RTN4: variants seen among roughly 807,000 people sequenced by gnomAD.
The protein encoded by RTN4 is reticulon-4.
Under a neutral mutation model 90.4 loss-of-function variants are expected in RTN4, and 32 were observed. The ratio of observed to expected loss-of-function variants is 0.35; its 90% confidence interval spans 0.27 to 0.48. The LOEUF is 0.48. Among genes scored for constraint, RTN4 ranks in the 20% least tolerant of loss-of-function variants. RTN4 has a pLI of 0.99. For synonymous variants in RTN4, 629 were observed against 552.5 expected, an observed-to-expected ratio of 1.14 and a Z score of -1.94; for missense variants, 1,706 against 1,430.2, an observed-to-expected ratio of 1.19 and a Z score of -3.11.
At chr2:55,053,817 G>C (rs996262811), upstream of RTN4, among the ~76,000 whole-genome samples, 3 of 152,170 alleles carry the variant, frequency 2.0e-5, no homozygotes, top group African/African-American at 7.2e-5. Flanking sequence ...CAGCCTGCTA[G>C]AATCATAGAA....
intron 2 of RTN4, among the ~76,000 whole-genome samples, chr2:55,064,876 C>T (rs1668363048): frequency 2.0e-5 from 3 of 152,128 alleles, no homozygotes; most frequent in African/African-American, 7.2e-5. Flanking sequence ...TTTTCCCTAA[C>T]ATAACTTTCC....
rs537768567 is a variant in RTN4 at position 55,058,522 on chromosome 2, G to A, written c.-63+21967C>T. 6.6e-5 allele frequency among the ~76,000 whole-genome samples: 10 copies of A among 152,096 alleles called. No individual in the cohort carries two copies. The South Asian group carries it at 1.5e-3, about 22-fold the overall frequency. On this transcript the variant is annotated intron_variant, in intron 2 of 3. Coordinates refer to the RTN4 transcript ENST00000427710. ...GGCTTGTCTATGCTTAACAGCTTCT[G>A]AACTTTTTGTTGACGAAATTTTAGT...
At chr2:55,029,890 CTTAAA>C (rs1279159608) in intron 1 of RTN4, among the ~76,000 whole-genome samples, 2 of 152,130 alleles carry the variant, frequency 1.3e-5, no homozygotes, top group Non-Finnish European at 2.9e-5. Context: ...GCTATGTGAT[CTTAAA>C]TTACAGTTTC....
At chr2:55,120,678 C>T in the RTN4 span, among the ~76,000 whole-genome samples, 1 of 152,090 alleles carries the variant, frequency 6.6e-6, no homozygotes, top group Non-Finnish European at 1.5e-5. Context: ...GAGTGAAGCC[C>T]TCAAGCTCTG....
At position 54,973,182 on chromosome 2, in the gene RTN4, G is replaced by T. The variant is rs1015943620; in HGVS notation, c.3553C>A (p.Pro1185Thr). 6.2e-7 allele frequency: 1 copy of T among 1,603,278 alleles called. No homozygotes were observed. The highest frequency in any genetic ancestry group is 1.3e-5 in the African/African-American group (1 of 74,734). ...CATTCAGCTTTGCGCTTCAATCCAG[G>T]GATTTTTGCTTGGATTCTGAAAATG... ...DAMAKIQAKIPGLKRKAE is the reference protein window; with the variant it reads ...DAMAKIQAKITGLKRKAE The change falls in exon 9 of 9, where the codon CCT (proline) becomes ACT (threonine). Residue 1185 changes from proline to threonine, a missense_variant. Physicochemically the swap from Pro to Thr is conservative, Grantham distance 38. Transcript: ENST00000337526.
chr2:55,084,690 T>A (rs2105035351), intron 1 of RTN4, among the ~76,000 whole-genome samples: 1 of 152,280 alleles, frequency 6.6e-6, no homozygotes, highest in Non-Finnish European at 1.5e-5. Flanking sequence ...GTGTCAGAAC[T>A]GAATTAAATT....
chr2:55,091,512 T>A (rs1291539040), intron 1 of RTN4, among the ~76,000 whole-genome samples: 1 of 152,212 alleles, frequency 6.6e-6, no homozygotes. Context: ...TTACAAATTT[T>A]TCATCTTCCT....
intron 3 of RTN4, among the ~76,000 whole-genome samples, chr2:55,013,610 G>C (rs868428072): frequency 6.6e-5 from 4 of 60,502 alleles, no homozygotes; most frequent in East Asian, 4.9e-4. Context: ...TTTTTTTTTG[G>C]GGGGGGGGGA....
Position 55,049,839 on chromosome 2 carries a change from C to G in RTN4, c.462G>C (p.Gln154His). 1.9e-6 allele frequency: 2 copies of G among 1,053,478 alleles called. No homozygotes were observed. The highest frequency in any genetic ancestry group is 2.4e-6 in the Non-Finnish European group (2 of 846,448). 65.3% of individuals were successfully genotyped at this position (1,053,478 alleles called of 1,614,324 possible). A position where few individuals can be genotyped will look rare whatever the true frequency, so the allele number is the denominator to read the frequency against. ...CTGGCGGGGTCCACACGGGCTCTGC[C>G]TGGGGGCTCACGCTGGCCGGGGGAG... ...PPPPPASVSP[Q>H]AEPVWTPPAP... is the part of the protein sequence containing the mutation. Residue 154 changes from glutamine to histidine, a missense_variant, in exon 1 of 9, where the codon CAG (glutamine) becomes CAC (histidine). Physicochemically the swap from Gln to His is conservative, Grantham distance 24. Transcript: ENST00000337526.
the RTN4 span, among the ~76,000 whole-genome samples, chr2:55,117,913 G>C: frequency 1.3e-5 from 2 of 152,186 alleles, no homozygotes; most frequent in Admixed American, 6.5e-5. Flanking sequence ...AAATGACATA[G>C]GGTTCCTTTT....
chr2:55,018,403 C>T (rs556710321), intron 3 of RTN4, among the ~76,000 whole-genome samples: 13 of 152,004 alleles, frequency 8.6e-5, no homozygotes, highest in South Asian at 8.3e-4. Context: ...GGGAGAAGGA[C>T]GCAGGAAAAA....
chr2:54,973,687 C>A lies in RTN4; in HGVS notation c.3478-66G>T, dbSNP rs367765002. The A allele has an allele frequency of 1.1e-4, 161 of 1,506,460 alleles. 1 individual carries two copies. In the East Asian group the frequency reaches 3.2e-3, roughly 30 times the overall value. The allele number at this position is 1,506,460 out of a possible 1,614,324, so 93.3% of individuals were successfully genotyped here. ...AATCTTATTAACCACTACTATGTGT[C>A]AAGCTAAAGGCTTAAGAAACCATCA... On this transcript the variant is annotated intron_variant, in intron 7 of 8. Coordinates refer to ENST00000337526, the MANE Select transcript of RTN4 (RefSeq NM_020532.5).
chr2:55,028,056 G>C (rs1476094527), intron 2 of RTN4, 108 bp downstream of exon 2: 2 of 904,792 alleles, frequency 2.2e-6, no homozygotes, highest in Non-Finnish European at 3.2e-6. Flanking sequence ...AACATTCTCG[G>C]AACCATGCTA....
chr2:55,129,516 C>T, the RTN4 span, among the ~76,000 whole-genome samples: 4 of 152,084 alleles, frequency 2.6e-5, no homozygotes, highest in South Asian at 4.2e-4. Flanking sequence ...AGAGTTTCAA[C>T]GTTACAGAGA....
intron 1 of RTN4, among the ~76,000 whole-genome samples, chr2:55,038,073 A>G (rs1290413891): frequency 2.0e-5 from 3 of 152,176 alleles, no homozygotes; most frequent in African/African-American, 7.2e-5. Context: ...ACTGCTTATT[A>G]TATGTATGGA....
At chr2:54,999,275 C>G (rs1323418586) in intron 3 of RTN4, among the ~76,000 whole-genome samples, 1 of 152,156 alleles carries the variant, frequency 6.6e-6, no homozygotes, top group East Asian at 1.9e-4. Flanking sequence ...GCTCAATGCA[C>G]AGTAAGAAGA....
At chr2:55,069,667 A>G (rs776242311) in intron 2 of RTN4, among the ~76,000 whole-genome samples, 16 of 152,190 alleles carry the variant, frequency 1.1e-4, no homozygotes, top group Non-Finnish European at 2.2e-4. Context: ...TCCAAAATTA[A>G]TAATAGAAGC....
In RTN4 at chr2:55,010,113, C is replaced by A. The variant is rs201913994; in HGVS notation, c.3013+14973G>T. On this transcript the variant is annotated intron_variant, in intron 3 of 8. Transcript: ENST00000337526. ...CTTGTCCTTCCAATTTTTCTTCTGA[C>A]CGTCCATCTCTTGTCACGATCTGCT... 123 of 1,613,452 alleles carry A rather than the reference C, an allele frequency of 7.6e-5. 3 individuals carry two copies. Among genetic ancestry groups the A allele is most frequent in the Non-Finnish European group, 8.5e-7 (1 of 1,179,848 alleles).
intron 2 of RTN4, among the ~76,000 whole-genome samples, chr2:55,057,976 C>G (rs1668220095): frequency 6.6e-6 from 1 of 151,970 alleles, no homozygotes; most frequent in African/African-American, 2.4e-5. Flanking sequence ...GAGCAAAATC[C>G]TATCTCAAAA....
Sources: allele counts gnomAD v4.1 joint callset (sites outside exome capture counted in the v4.1 genomes callset), GRCh38; gene constraint gnomAD v4.1.1; transcripts MANE v1.5; gene names NCBI Gene and HGNC (gene_info 2026-07-23, HGNC 2026-07-21).